Variants in MYO10 observed in about 807,000 individuals in gnomAD.
The protein encoded by MYO10 is myosin X.
MYO10 carries 133 observed loss-of-function variants against 257.3 expected under a neutral mutation model. The observed-to-expected ratio is 0.52, with a 90% CI of 0.45 to 0.60. The LOEUF is 0.60. MYO10 is among the 20% of genes least tolerant of loss of function. The pLI is 0.00. For synonymous variants in MYO10, 1,104 were observed against 1,028.6 expected (o/e 1.07, Z -1.40); for missense variants, 2,399 against 2,635.7 (o/e 0.91, Z 1.97).
intron 21 of MYO10, among the ~76,000 whole-genome samples, chr5:16,706,598 T>C (rs1408300106): frequency 6.6e-6 from 1 of 152,100 alleles, no homozygotes; most frequent in African/African-American, 2.4e-5. Context: ...GAGACAAAAG[T>C]GTCAACTCTC....
intron 3 of MYO10, among the ~76,000 whole-genome samples, chr5:16,812,155 G>A (rs1341338445): frequency 2.0e-5 from 3 of 152,182 alleles, no homozygotes; most frequent in Non-Finnish European, 4.4e-5. Context: ...GCCCCTGGCT[G>A]GGAACTGGGA....
At chr5:16,796,552 G>T (rs1741980087) in intron 3 of MYO10, among the ~76,000 whole-genome samples, 1 of 152,092 alleles carries the variant, frequency 6.6e-6, no homozygotes, top group Non-Finnish European at 1.5e-5. Flanking sequence ...AATGCCTTAG[G>T]CCTCTCCATG....
At chr5:16,705,493 C>T (rs1011273961) in intron 21 of MYO10, among the ~76,000 whole-genome samples, 2 of 152,170 alleles carry the variant, frequency 1.3e-5, no homozygotes, top group African/African-American at 4.8e-5. Flanking sequence ...GATAAAGTGG[C>T]TTTTAATTTT....
intron 2 of MYO10, among the ~76,000 whole-genome samples, chr5:16,857,426 G>A (rs974983723): frequency 6.6e-6 from 1 of 152,158 alleles, no homozygotes; most frequent in Non-Finnish European, 1.5e-5. Context: ...CTTTTATTTA[G>A]AGCATGGATT....
At chr5:16,680,853 G>A (rs1009942441) in intron 32 of MYO10, among the ~76,000 whole-genome samples, 2 of 152,074 alleles carry the variant, frequency 1.3e-5, no homozygotes, top group African/African-American at 4.8e-5. Context: ...AAATTAGCCC[G>A]GTGTGATGGT....
chr5:16,760,219 A>G (rs188631534), intron 17 of MYO10, among the ~76,000 whole-genome samples: 128 of 149,560 alleles, frequency 8.6e-4, no homozygotes, highest in African/African-American at 2.9e-3. Context: ...TGGGAGGCCG[A>G]GGTGGGCGGA....
rs866087145 is a variant in MYO10 at position 16,663,420 on chromosome 5, A to G, written c.*3272T>C. On this transcript the variant is annotated 3_prime_UTR_variant, in exon 41 of 41. Coordinates refer to ENST00000513610, the MANE Select transcript of MYO10 (RefSeq NM_012334.3). Reference sequence around the variant, plus strand: ...AAAAGATTTAAAAATTAAAAATACTAGATTGTCAGCGTCTGAAGTGATAAA... The same window carrying G: ...AAAAGATTTAAAAATTAAAAATACTGGATTGTCAGCGTCTGAAGTGATAAA... 7.0e-6 allele frequency: 1 copy of G among 143,684 alleles called. No individual in the cohort carries two copies. The allele number at this position is 143,684 out of a possible 1,614,324, so 8.9% of individuals were successfully genotyped here. A position where few individuals can be genotyped will look rare whatever the true frequency, so the allele number is the denominator to read the frequency against.
At chr5:16,812,407 G>A (rs1441685720) in intron 3 of MYO10, among the ~76,000 whole-genome samples, 1 of 152,284 alleles carries the variant, frequency 6.6e-6, no homozygotes, top group East Asian at 1.9e-4. Flanking sequence ...TGTCCCCTCA[G>A]CGACAAGCCT....
At chr5:16,756,134 G>A (rs1326379193) in intron 18 of MYO10, among the ~76,000 whole-genome samples, 1 of 152,166 alleles carries the variant, frequency 6.6e-6, no homozygotes, top group East Asian at 1.9e-4. Context: ...GTACAGTGGT[G>A]TGATCACAGC....
intron 3 of MYO10, among the ~76,000 whole-genome samples, chr5:16,807,827 G>A (rs190186246): frequency 1.3e-5 from 2 of 152,170 alleles, no homozygotes; most frequent in African/African-American, 4.8e-5. Context: ...CCTCCTCATT[G>A]TGACGCTCCT....
intron 9 of MYO10, among the ~76,000 whole-genome samples, chr5:16,770,449 A>C (rs1012853029): frequency 6.6e-6 from 1 of 152,188 alleles, no homozygotes; most frequent in Non-Finnish European, 1.5e-5. Context: ...ATCTGTTACC[A>C]ACAGTATCTA....
At chr5:16,793,080 TAAC>T (rs1209447387) in intron 4 of MYO10, among the ~76,000 whole-genome samples, 1 of 152,136 alleles carries the variant, frequency 6.6e-6, no homozygotes, top group Non-Finnish European at 1.5e-5. Context: ...GGCTCCTCAG[TAAC>T]AACTATACCC....
At chr5:16,881,724 C>CT (rs1744759396) in intron 1 of MYO10, among the ~76,000 whole-genome samples, 1 of 152,198 alleles carries the variant, frequency 6.6e-6, no homozygotes, top group Admixed American at 6.5e-5. Flanking sequence ...AGACCCCAAT[C>CT]TTTCTACTTC....
Position 16,823,620 on chromosome 5 carries a change from C to T in MYO10, c.121-5453G>A, listed in dbSNP as rs528214807. On this transcript the variant is annotated intron_variant, in intron 2 of 40. Coordinates refer to ENST00000513610, the MANE Select transcript of MYO10 (RefSeq NM_012334.3). Reference sequence around the variant, plus strand: ...CCGAGTAGCTGGGACTACAGGCGCCCGCCACCACGCCCAGCTCATTTTTTT... The same window carrying T: ...CCGAGTAGCTGGGACTACAGGCGCCTGCCACCACGCCCAGCTCATTTTTTT... Among the ~76,000 whole-genome samples, 4 of 150,594 alleles carry T rather than the reference C, an allele frequency of 2.7e-5. No homozygotes were observed. In the South Asian group the frequency reaches 6.4e-4, roughly 24 times the overall value.
At chr5:16,692,158 C>T (rs549358525) in intron 27 of MYO10, among the ~76,000 whole-genome samples, 2 of 152,144 alleles carry the variant, frequency 1.3e-5, no homozygotes, top group African/African-American at 2.4e-5. Context: ...CAGTGGCTCA[C>T]GCCTGTAATC....
intron 1 of MYO10, among the ~76,000 whole-genome samples, chr5:16,922,703 G>GGTTA (rs1746022961): frequency 6.6e-6 from 1 of 152,154 alleles, no homozygotes; most frequent in South Asian, 2.1e-4. Flanking sequence ...TTCTGAGAAT[G>GGTTA]GTTAGCTCAG....
chr5:16,867,198 C>T (rs1744295958), intron 2 of MYO10, among the ~76,000 whole-genome samples: 1 of 152,210 alleles, frequency 6.6e-6, no homozygotes. Context: ...TGCCACTTCC[C>T]TTCAGCACTC....
rs147637034 is a variant in MYO10, at chr5:16,700,313, A to G, written c.3432+650T>C. ...TTCCTAACGCAGCACGGCAAAGCTA[A>G]AAGTTCCATTCAAATTGTAAAAAAA... On this transcript the variant is annotated intron_variant, in intron 25 of 40. Transcript: ENST00000513610. 3.0e-3 allele frequency among the ~76,000 whole-genome samples: 452 copies of G among 152,312 alleles called. 4 individuals carry two copies. Among genetic ancestry groups the G allele is most frequent in the African/African-American group, 0.011 (441 of 41,562 alleles).
intron 2 of MYO10, among the ~76,000 whole-genome samples, chr5:16,836,782 T>A (rs1743324623): frequency 6.6e-6 from 1 of 152,188 alleles, no homozygotes; most frequent in Non-Finnish European, 1.5e-5. Flanking sequence ...TGGAAAACAG[T>A]CTGGTCATTC....
Sources: allele counts gnomAD v4.1 joint callset (sites outside exome capture counted in the v4.1 genomes callset), GRCh38; gene constraint gnomAD v4.1.1; transcripts MANE v1.5; gene names NCBI Gene and HGNC (gene_info 2026-07-23, HGNC 2026-07-21).